KCNG3: variants seen among roughly 807,000 people sequenced by gnomAD.
The protein encoded by KCNG3 is voltage-gated potassium channel regulatory subunit KCNG3.
Under a neutral mutation model 29.0 loss-of-function variants are expected in KCNG3, and 15 were observed. The observed-to-expected ratio is 0.52, with a 90% CI of 0.35 to 0.80. The LOEUF (loss-of-function observed/expected upper bound fraction) is 0.80. Among genes scored for constraint, KCNG3 ranks in the 30% least tolerant of loss-of-function variants. The pLI, the probability that KCNG3 is intolerant of heterozygous loss-of-function variation, is 0.01. For synonymous variants in KCNG3, 322 were observed against 248.9 expected, an observed-to-expected ratio of 1.29 and a Z score of -2.76; for missense variants, 512 against 605.7, an observed-to-expected ratio of 0.85 and a Z score of 1.62.
Position 42,492,913 on chromosome 2 carries a change from G to A in KCNG3, c.589C>T (p.Arg197Cys). ...VLCASTLPDWRNAAADNRSLD... is the reference protein window; with the variant it reads ...VLCASTLPDWCNAAADNRSLD... ...CTGCGGTTGTCGGCGGCTGCGTTGC[G>A]CCAGTCGGGCAACGTGCTGGCGCAC... Residue 197 changes from arginine to cysteine, a missense_variant, in exon 1 of 2, where the codon CGC becomes TGC. Arg to Cys is a radical substitution (Grantham distance 180, BLOSUM62 -3). This residue lies in a region of KCNG3 where 228 missense variants were observed against 200.0 expected (regional missense o/e 1.14). Coordinates refer to ENST00000306078, the MANE Select transcript of KCNG3 (RefSeq NM_133329.6). The A allele has an allele frequency of 6.3e-7, 1 of 1,580,672 alleles. No homozygotes were observed. Among genetic ancestry groups the A allele is most frequent in the Non-Finnish European group, 8.6e-7 (1 of 1,167,780 alleles).
At chr2:42,435,933 T>C in the KCNG3 span, among the ~76,000 whole-genome samples, 2 of 152,228 alleles carry the variant, frequency 1.3e-5, no homozygotes, top group East Asian at 1.9e-4. Flanking sequence ...TGATAATTTG[T>C]ACATGAATGT....
intron 1 of KCNG3, among the ~76,000 whole-genome samples, chr2:42,476,827 C>G (rs1305318684): frequency 1.3e-5 from 2 of 150,918 alleles, no homozygotes; most frequent in African/African-American, 4.9e-5. Flanking sequence ...AACTGATAAT[C>G]ATATAACTTT....
rs1673103335 is a variant in KCNG3, at chr2:42,464,916, A to G, written c.666-20337T>C. The stretch of plus-strand genomic sequence containing the variant: ...AGGGCTGTGTGTCTTTAAAAAAAAC[A>G]AACAAAAAACACTATATTGCCTAAT... On this transcript the variant is annotated intron_variant, in intron 1 of 1. Coordinates refer to ENST00000306078, the MANE Select transcript of KCNG3 (RefSeq NM_133329.6). Among the ~76,000 whole-genome samples, 2 of 152,176 alleles carry G rather than the reference A, an allele frequency of 1.3e-5. 1 individual carries two copies. The highest frequency in any genetic ancestry group is 4.1e-4 in the South Asian group (2 of 4,832).
intron 1 of KCNG3, among the ~76,000 whole-genome samples, chr2:42,480,029 AAAAC>A (rs1011088967): frequency 2.0e-4 from 31 of 152,306 alleles, no homozygotes; most frequent in East Asian, 1.2e-3. Flanking sequence ...TTAGAAAACA[AAAAC>A]AAACAAACAA....
the KCNG3 span, among the ~76,000 whole-genome samples, chr2:42,417,440 C>G: frequency 6.6e-6 from 1 of 151,880 alleles, no homozygotes; most frequent in African/African-American, 2.4e-5. Flanking sequence ...CCTGCCTCAG[C>G]CTCCCAAGTT....
chr2:42,430,819 C>T, the KCNG3 span, among the ~76,000 whole-genome samples: 11 of 151,714 alleles, frequency 7.3e-5, no homozygotes, highest in Non-Finnish European at 1.3e-4. Context: ...AATAAAAGAC[C>T]GATTTTTAGG....
At chr2:42,471,547 A>G (rs1343273809) in intron 1 of KCNG3, among the ~76,000 whole-genome samples, 5 of 152,144 alleles carry the variant, frequency 3.3e-5, no homozygotes, top group Non-Finnish European at 7.3e-5. Context: ...GGGTGATGAA[A>G]ATGTTCTGGA....
rs1672558018 is a variant in KCNG3 at position 42,444,756 on chromosome 2, C to A, written c.666-177G>T. Among the ~76,000 whole-genome samples the A allele has an allele frequency of 6.6e-6, 1 of 152,064 alleles. No homozygotes were observed. The highest frequency in any genetic ancestry group is 1.5e-5 in the Non-Finnish European group (1 of 68,022). ...CACCAGGATGCACGCAACAGAACAA[C>A]AAATCAATTCAGATGAAAATTGAGA... On this transcript the variant is annotated intron_variant, in intron 1 of 1. Transcript: ENST00000306078. The surrounding 1 kb of genome is among the most constrained non-coding windows in gnomAD (Gnocchi z 5.8).
intron 1 of KCNG3, among the ~76,000 whole-genome samples, chr2:42,452,243 A>ATATATATATT: frequency 3.2e-5 from 3 of 95,052 alleles, no homozygotes; most frequent in Non-Finnish European, 6.4e-5. Flanking sequence ...ATATATATAT[A>ATATATATATT]TTTTTTTTTT....
the KCNG3 span, among the ~76,000 whole-genome samples, chr2:42,394,798 T>A: frequency 6.6e-6 from 1 of 152,216 alleles, no homozygotes; most frequent in South Asian, 2.1e-4. Context: ...TTGGCACATG[T>A]TGTCACGACC....
intron 1 of KCNG3, among the ~76,000 whole-genome samples, chr2:42,452,243 A>ATATATATATATATATATATATATAT: frequency 9.5e-5 from 9 of 95,048 alleles, no homozygotes; most frequent in African/African-American, 2.8e-4. Context: ...ATATATATAT[A>ATATATATATATATATATATATATAT]TTTTTTTTTT....
chr2:42,413,478 A>C, the KCNG3 span, among the ~76,000 whole-genome samples: 1 of 151,994 alleles, frequency 6.6e-6, no homozygotes, highest in Non-Finnish European at 1.5e-5. Flanking sequence ...AGACTGATAA[A>C]ATTTTCTTTA....
chr2:42,487,518 ACTC>A (rs1162247102), intron 1 of KCNG3, among the ~76,000 whole-genome samples: 1 of 152,076 alleles, frequency 6.6e-6, no homozygotes, highest in East Asian at 1.9e-4. Context: ...AAGATGAATG[ACTC>A]CTCAATATAT....
At chr2:42,409,458 C>T in the KCNG3 span, among the ~76,000 whole-genome samples, 1 of 151,976 alleles carries the variant, frequency 6.6e-6, no homozygotes, top group East Asian at 1.9e-4. Flanking sequence ...ATTCCCAGCA[C>T]TTTGGGAGGC....
intron 1 of KCNG3, among the ~76,000 whole-genome samples, chr2:42,447,929 T>C (rs1251928281): frequency 1.3e-5 from 2 of 152,224 alleles, no homozygotes; most frequent in Non-Finnish European, 2.9e-5. Context: ...GATACATATG[T>C]ATTTGTAATT....
chr2:42,417,882 G>C, the KCNG3 span, among the ~76,000 whole-genome samples: 1 of 152,154 alleles, frequency 6.6e-6, no homozygotes, highest in South Asian at 2.1e-4. Flanking sequence ...TGAGGCAGGA[G>C]AATTGCTTGA....
At chr2:42,389,204 C>A in the KCNG3 span, among the ~76,000 whole-genome samples, 1 of 152,200 alleles carries the variant, frequency 6.6e-6, no homozygotes, top group Non-Finnish European at 1.5e-5. Context: ...AGTCATGAGC[C>A]ACCTTGCCGG....
In KCNG3 at chr2:42,444,044, A is replaced by G. The variant is rs757643432; in HGVS notation, c.1201T>C (p.Leu401=). 1.2e-5 allele frequency: 20 copies of G among 1,614,130 alleles called. No homozygotes were observed. The highest frequency in any genetic ancestry group is 1.7e-5 in the Non-Finnish European group (20 of 1,180,038). Residue 401 remains leucine (L), a synonymous_variant, in exon 2 of 2, where the codon TTG becomes CTG. Coordinates refer to ENST00000306078, the MANE Select transcript of KCNG3 (RefSeq NM_133329.6). This position sits in a 1 kb window ranked among gnomAD's most constrained non-coding sequence, Gnocchi z 5.8. ...TAGATAAAAGTGATAGGTAATGCCA[A>G]TAGAACAATTCCACTGACAACACAA... ...GVCVVSGIVL[L]ALPITFIYHS...
the KCNG3 span, among the ~76,000 whole-genome samples, chr2:42,416,814 G>A: frequency 6.9e-6 from 1 of 145,358 alleles, no homozygotes; most frequent in African/African-American, 2.6e-5. Context: ...TGAGTCCCCT[G>A]TCTCAAAAAA....
Sources: gnomAD v4.1 joint callset for allele counts (sites outside exome capture counted in the v4.1 genomes callset) on GRCh38, gnomAD v4.1.1 for gene constraint, gnomAD v4.1.1 regional missense constraint, Gnocchi (gnomAD v3.1) non-coding constraint, MANE v1.5 for transcripts, NCBI Gene and HGNC (gene_info 2026-07-23, HGNC 2026-07-21) for gene names.